SH3BP5: variants seen among roughly 807,000 people sequenced by gnomAD.
The protein encoded by SH3BP5 is SH3 domain-binding protein 5.
SH3BP5 carries 22 observed loss-of-function variants against 43.3 expected under a neutral mutation model. The ratio of observed to expected loss-of-function variants is 0.51; its 90% CI spans 0.36 to 0.73. The LOEUF (loss-of-function observed/expected upper bound fraction) is 0.73, where lower values mean the gene tolerates loss of function less well. SH3BP5 is among the 30% of genes least tolerant of loss of function. The probability of loss-of-function intolerance (pLI) is 0.00; values close to 1 mark genes in which losing one functional copy is unlikely to be tolerated. For missense variants in SH3BP5, 529 were observed against 586.9 expected, an observed-to-expected ratio of 0.90 and a Z score of 1.02; for synonymous variants, 255 against 225.8, an observed-to-expected ratio of 1.13 and a Z score of -1.16.
intron 2 of SH3BP5, among the ~76,000 whole-genome samples, chr3:15,324,324 A>G (rs897080553): frequency 6.6e-6 from 1 of 151,922 alleles, no homozygotes; most frequent in Non-Finnish European, 1.5e-5. Context: ...AATCCCCCTC[A>G]CCCCACTACA....
chr3:15,336,818 T>C (rs1271900547), upstream of SH3BP5, among the ~76,000 whole-genome samples: 7 of 152,116 alleles, frequency 4.6e-5, no homozygotes, highest in East Asian at 1.3e-3. Flanking sequence ...TAGACTCTTT[T>C]ACAGTCCCTC....
upstream of SH3BP5, among the ~76,000 whole-genome samples, chr3:15,336,085 G>A (rs1335197728): frequency 1.3e-5 from 2 of 152,148 alleles, no homozygotes; most frequent in Non-Finnish European, 2.9e-5. Context: ...AGTGAGCCGA[G>A]ATGGCACCAT....
chr3:15,297,985 TTTTTTTA>T (rs1366856834), intron 3 of SH3BP5, among the ~76,000 whole-genome samples: 3 of 151,612 alleles, frequency 2.0e-5, no homozygotes, highest in Admixed American at 1.3e-4. Context: ...TTTTTTTTTT[TTTTTTTA>T]AAGAGCCAAG....
Position 15,257,039 on chromosome 3 carries a change from A to T in SH3BP5, c.964T>A (p.Ser322Thr). Residue 322 changes from serine (S) to threonine (T), a missense_variant, in exon 8 of 9, where the codon TCC (serine) becomes ACC (threonine). Coordinates refer to ENST00000383791, the MANE Select transcript of SH3BP5 (RefSeq NM_004844.5). Reference sequence around the variant, plus strand: ...CTTGTTGGTCCTGAACTAAAGCTGGACACGGACTGGGTTTCCGAGTCATCT... The same window carrying T: ...CTTGTTGGTCCTGAACTAAAGCTGGTCACGGACTGGGTTTCCGAGTCATCT... Reference protein sequence around the residue: ...SEDDSETQSVSSFSSGPTSPS... With the variant: ...SEDDSETQSVTSFSSGPTSPS... 2 of 1,614,210 alleles carry T rather than the reference A, an allele frequency of 1.2e-6. No homozygotes were observed. The highest frequency in any genetic ancestry group is 1.1e-5 in the South Asian group (1 of 91,082).
chr3:15,317,303 A>C lies in SH3BP5; in HGVS notation c.202-13072T>G, dbSNP rs111753127. On this transcript the variant is annotated intron_variant, in intron 2 of 8. Transcript: ENST00000383791. ...AGAGATCAGTTAGTGTAGCCTGCAC[A>C]GGAATCACACATCCACCCACCACAG... Among the ~76,000 whole-genome samples the C allele has an allele frequency of 4.3e-3, 657 of 152,330 alleles. 5 individuals are homozygous for C. Among genetic ancestry groups the C allele is most frequent in the African/African-American group, 0.015 (617 of 41,566 alleles).
chr3:15,265,560 A>ACACC (rs71045145), intron 4 of SH3BP5, among the ~76,000 whole-genome samples: 2 of 131,698 alleles, frequency 1.5e-5, no homozygotes, highest in African/African-American at 2.8e-5. Flanking sequence ...ACACACACAC[A>ACACC]ACCCTCCAGC....
intron 3 of SH3BP5, among the ~76,000 whole-genome samples, chr3:15,280,994 A>G (rs6772096): frequency 0.27 from 40,820 of 152,168 alleles, 6,509 homozygotes; most frequent in African/African-American, 0.45. Flanking sequence ...GCACGGTGGC[A>G]GAGAACTGGA....
At chr3:15,333,974 G>T (rs1698669675), upstream of SH3BP5, among the ~76,000 whole-genome samples, 1 of 152,196 alleles carries the variant, frequency 6.6e-6, no homozygotes. Context: ...AACCTTCTCT[G>T]GTGGCTTGGA....
chr3:15,290,219 C>A (rs1575315059), intron 3 of SH3BP5, among the ~76,000 whole-genome samples: 1 of 151,856 alleles, frequency 6.6e-6, no homozygotes, highest in Admixed American at 6.6e-5. Context: ...ATGACAAAAC[C>A]CCGTCTCTTC....
chr3:15,270,286 G>A (rs563110281), intron 3 of SH3BP5, among the ~76,000 whole-genome samples: 1 of 152,296 alleles, frequency 6.6e-6, no homozygotes, highest in Non-Finnish European at 1.5e-5. Flanking sequence ...AAGGCCCCCA[G>A]AGATCATGGT....
rs201526826 is a variant in SH3BP5, at chr3:15,262,269, G to C, written c.516C>G (p.Thr172=). ...TATGCACCAGCTCGCTCCTGGTCTT[G>C]GTCTGCTCCGCCTCCATGACCTTAA... ...ATQRVMEAEQ[T]KTRSELVHKE... Residue 172 remains threonine, a synonymous_variant, in exon 5 of 9, where the codon ACC becomes ACG. Coordinates refer to ENST00000383791, the MANE Select transcript of SH3BP5 (RefSeq NM_004844.5). 4.7e-5 allele frequency: 76 copies of C among 1,613,968 alleles called. No individual in the cohort carries two copies. In the Middle Eastern group the frequency reaches 6.6e-4, roughly 14 times the overall value.
chr3:15,307,219 C>T (rs1278908236), intron 2 of SH3BP5, among the ~76,000 whole-genome samples: 1 of 152,172 alleles, frequency 6.6e-6, no homozygotes, highest in Non-Finnish European at 1.5e-5. Context: ...TCATCATCAT[C>T]CTGATTTCCT....
intron 3 of SH3BP5, among the ~76,000 whole-genome samples, chr3:15,285,643 C>G (rs1255366478): frequency 2.0e-5 from 3 of 152,236 alleles, no homozygotes; most frequent in Admixed American, 2.0e-4. Context: ...GTCTTCTCAA[C>G]AAGACTGCAA....
At chr3:15,257,159 C>CA (rs1262098292) in intron 7 of SH3BP5, 46 bp from the exon 8 acceptor site, 9 of 1,588,728 alleles carry the variant, frequency 5.7e-6, no homozygotes, top group Non-Finnish European at 7.7e-6. Context: ...GTCACCTCCT[C>CA]AAACACCACA....
intron 4 of SH3BP5, among the ~76,000 whole-genome samples, chr3:15,267,692 C>T (rs1696682853): frequency 6.6e-6 from 1 of 152,188 alleles, no homozygotes; most frequent in African/African-American, 2.4e-5. Context: ...CACTGCACAA[C>T]TCCAAAAAGC....
chr3:15,290,009 T>C (rs533682598), intron 3 of SH3BP5, among the ~76,000 whole-genome samples: 1 of 152,302 alleles, frequency 6.6e-6, no homozygotes, highest in East Asian at 1.9e-4. Context: ...CACCAAGCAC[T>C]TTCTCTGGGG....
chr3:15,290,140 A>C (rs1444825704), intron 3 of SH3BP5, among the ~76,000 whole-genome samples: 2 of 151,902 alleles, frequency 1.3e-5, no homozygotes, highest in Non-Finnish European at 2.9e-5. Flanking sequence ...GGTGGCTCAC[A>C]CCTGTAATCC....
At chr3:15,256,386 G>C in intron 8 of SH3BP5, 83 bp from the exon 9 acceptor site, 1 of 1,419,108 alleles carries the variant, frequency 7.0e-7, no homozygotes. Context: ...TATCAAAAGT[G>C]AGTATTGACA....
At chr3:15,278,823 C>G (rs1341069544) in intron 3 of SH3BP5, among the ~76,000 whole-genome samples, 1 of 152,134 alleles carries the variant, frequency 6.6e-6, no homozygotes, top group Non-Finnish European at 1.5e-5. Flanking sequence ...TAGCTTGTGG[C>G]ACGGAGTTTT....
Sources: allele counts gnomAD v4.1 joint callset (sites outside exome capture counted in the v4.1 genomes callset), GRCh38; gene constraint gnomAD v4.1.1; transcripts MANE v1.5; gene names NCBI Gene and HGNC (gene_info 2026-07-23, HGNC 2026-07-21).